Variants in KYNU observed in about 807,000 individuals in gnomAD.
KYNU encodes L-kynurenine hydrolase.
KYNU carries 54 observed loss-of-function variants against 59.2 expected under a neutral mutation model. The observed-to-expected ratio is 0.91, with a 90% confidence interval of 0.73 to 1.14. The LOEUF is 1.14. KYNU is among the 50% of genes most tolerant of loss of function. KYNU has a pLI of 0.00. For synonymous variants in KYNU, 177 were observed against 192.0 expected (o/e 0.92, Z 0.65); for missense variants, 567 against 554.4 (o/e 1.02, Z -0.23).
At chr2:143,036,105 G>A (rs757056363) in intron 12 of KYNU, among the ~76,000 whole-genome samples, 1 of 151,866 alleles carries the variant, frequency 6.6e-6, no homozygotes, top group East Asian at 1.9e-4. Context: ...TGTTGTCCAC[G>A]TTAATCTGGA....
At chr2:142,960,558 T>A (rs1684307336) in intron 7 of KYNU, 66 bp from the exon 8 acceptor site, 3 of 1,457,130 alleles carry the variant, frequency 2.1e-6, no homozygotes, top group Non-Finnish European at 2.9e-6. Context: ...GAAATTTAGA[T>A]CGGCAATATG....
At chr2:142,967,983 C>T (rs967853002) in intron 8 of KYNU, among the ~76,000 whole-genome samples, 1 of 152,124 alleles carries the variant, frequency 6.6e-6, no homozygotes, top group Non-Finnish European at 1.5e-5. Flanking sequence ...AAATTAACCT[C>T]TTTCATAAAA....
chr2:142,900,358 G>T, intron 2 of KYNU, among the ~76,000 whole-genome samples: 1 of 152,206 alleles, frequency 6.6e-6, no homozygotes, highest in Non-Finnish European at 1.5e-5. Context: ...CCAAAAGAGT[G>T]TGCAGTTGCA....
chr2:142,905,217 A>G (rs1682250276), intron 2 of KYNU, among the ~76,000 whole-genome samples: 1 of 144,568 alleles, frequency 6.9e-6, no homozygotes. Context: ...TGAGAGAGGG[A>G]TCCTGTTTAT....
At chr2:142,950,055 CAT>C (rs1048537824) in intron 4 of KYNU, among the ~76,000 whole-genome samples, 1 of 152,204 alleles carries the variant, frequency 6.6e-6, no homozygotes, top group Non-Finnish European at 1.5e-5. Context: ...TTTGCTAAAA[CAT>C]AACAAGAGTC....
chr2:142,921,837 CAT>C, intron 3 of KYNU, among the ~76,000 whole-genome samples: 2 of 151,900 alleles, frequency 1.3e-5, no homozygotes, highest in Non-Finnish European at 1.5e-5. Context: ...TACATACATA[CAT>C]ACATACATAC....
At chr2:142,911,213 T>A (rs1220705652) in intron 2 of KYNU, among the ~76,000 whole-genome samples, 1 of 152,208 alleles carries the variant, frequency 6.6e-6, no homozygotes, top group Non-Finnish European at 1.5e-5. Flanking sequence ...TGTTTTTCTA[T>A]TTGTGTCATC....
chr2:143,010,789 C>T (rs2105201820), intron 10 of KYNU, among the ~76,000 whole-genome samples: 1 of 145,536 alleles, frequency 6.9e-6, no homozygotes, highest in Non-Finnish European at 1.5e-5. Flanking sequence ...TTTGACAAAC[C>T]TGAGAAAAAC....
chr2:142,885,276 T>C, intron 1 of KYNU, 73 bp from the exon 2 acceptor site: 1 of 1,185,524 alleles, frequency 8.4e-7, no homozygotes, highest in Non-Finnish European at 1.2e-6. Flanking sequence ...AAACAAAAGG[T>C]GTATTACCTA....
At chr2:143,005,385 G>C (rs553171025) in intron 10 of KYNU, among the ~76,000 whole-genome samples, 2 of 152,258 alleles carry the variant, frequency 1.3e-5, no homozygotes, top group East Asian at 1.9e-4. Context: ...GGCATGCAAA[G>C]AGAAACAGAA....
intron 10 of KYNU, among the ~76,000 whole-genome samples, chr2:143,012,733 A>T (rs1686145322): frequency 6.6e-6 from 1 of 152,072 alleles, no homozygotes; most frequent in African/African-American, 2.4e-5. Flanking sequence ...CTACTCACTT[A>T]GCTTGAATCC....
chr2:142,895,543 C>G (rs1008703658), intron 2 of KYNU, among the ~76,000 whole-genome samples: 6 of 152,088 alleles, frequency 3.9e-5, no homozygotes, highest in African/African-American at 9.7e-5. Flanking sequence ...GCCATTTGAG[C>G]TGTGTCCAAT....
At chr2:142,948,677 C>T (rs1683881018) in intron 4 of KYNU, among the ~76,000 whole-genome samples, 1 of 152,170 alleles carries the variant, frequency 6.6e-6, no homozygotes, top group Non-Finnish European at 1.5e-5. Flanking sequence ...CCTCTTGATT[C>T]AATTACTTCC....
Position 143,051,709 on chromosome 2 carries a change from A to C in KYNU, c.*9537A>C, listed in dbSNP as rs77265032. ...TGTGCCATTTGAGACATGCCTTTCA[A>C]CTTCTGCCCTGATTGTGAGGCCTCC... On this transcript the variant is annotated 3_prime_UTR_variant, in exon 14 of 14. Transcript: ENST00000264170. 0.16 allele frequency: 23,936 copies of C among 152,144 alleles called. 1,975 individuals carry two copies. The highest frequency in any genetic ancestry group is 0.27 in the East Asian group (1,395 of 5,162). The allele number at this position is 152,144 out of a possible 1,614,324, so 9.4% of individuals were successfully genotyped here. A position where few individuals can be genotyped will look rare whatever the true frequency, so the allele number is the denominator to read the frequency against.
chr2:143,001,665 C>T (rs570315653), intron 10 of KYNU, among the ~76,000 whole-genome samples: 2 of 152,162 alleles, frequency 1.3e-5, no homozygotes, highest in Non-Finnish European at 2.9e-5. Context: ...CTATCTTGAT[C>T]ACAGCTTCTT....
chr2:142,963,115 TGATAA>T (rs1358533273), intron 8 of KYNU, among the ~76,000 whole-genome samples: 2 of 152,176 alleles, frequency 1.3e-5, no homozygotes, highest in Non-Finnish European at 2.9e-5. Context: ...CATAGTCATG[TGATAA>T]GGAAGAAGAA....
At position 143,042,211 on chromosome 2, in the gene KYNU, A is replaced by G. The variant is rs1451711743; in HGVS notation, c.*39A>G. On this transcript the variant is annotated 3_prime_UTR_variant, in exon 14 of 14. Transcript: ENST00000264170. ...AACAACTTAAGCAAATTATACTGAA[A>G]GCTGCTGTGGTTATTTCAGTATTAT... The G allele has an allele frequency of 6.3e-7, 1 of 1,594,248 alleles. No homozygotes were observed. The highest frequency in any genetic ancestry group is 2.2e-5 in the East Asian group (1 of 44,672).
intron 11 of KYNU, among the ~76,000 whole-genome samples, chr2:143,032,145 A>G (rs4662193): frequency 0.64 from 97,949 of 151,892 alleles, 32,547 homozygotes; most frequent in Middle Eastern, 0.74. Flanking sequence ...GGGCGTGGTG[A>G]CAGGCACCCG....
At chr2:143,017,127 A>G (rs1686272710) in intron 10 of KYNU, among the ~76,000 whole-genome samples, 1 of 152,152 alleles carries the variant, frequency 6.6e-6, no homozygotes. Context: ...TATATGTACC[A>G]TATTTGTTTT....
Sources: allele counts gnomAD v4.1 joint callset (sites outside exome capture counted in the v4.1 genomes callset), GRCh38; gene constraint gnomAD v4.1.1; transcripts MANE v1.5; gene names NCBI Gene and HGNC (gene_info 2026-07-23, HGNC 2026-07-21).